ACTN1: variants seen among roughly 807,000 people sequenced by gnomAD.
The protein encoded by ACTN1 is actinin alpha 1, also known as alpha-actinin-1.
In ACTN1, 30 loss-of-function variants were observed where a neutral mutation model predicts 119.6. The observed-to-expected ratio is 0.25, with a 90% CI of 0.19 to 0.34. ACTN1 has a LOEUF of 0.34. Ranked by LOEUF, ACTN1 falls within the 10% of genes least tolerant of loss-of-function variation. The pLI is 1.00. For missense variants in ACTN1, 764 were observed against 1,223.4 expected, an observed-to-expected ratio of 0.62 and a Z score of 5.60; for synonymous variants, 429 against 472.6, an observed-to-expected ratio of 0.91 and a Z score of 1.20.
intron 21 of ACTN1, among the ~76,000 whole-genome samples, chr14:68,876,328 G>A (rs530738675): frequency 6.6e-6 from 1 of 152,284 alleles, no homozygotes; most frequent in Admixed American, 6.5e-5. Flanking sequence ...GATGGCATAA[G>A]GATTTACTGT....
intron 1 of ACTN1, among the ~76,000 whole-genome samples, chr14:68,964,318 T>C (rs1018795413): frequency 5.3e-5 from 8 of 152,226 alleles, no homozygotes; most frequent in African/African-American, 1.9e-4. Context: ...CCCTCCATTC[T>C]ACCTGAGCCA....
At chr14:68,918,324 G>A (rs2034432143) in intron 3 of ACTN1, among the ~76,000 whole-genome samples, 1 of 152,220 alleles carries the variant, frequency 6.6e-6, no homozygotes. Context: ...GCTCACGCCT[G>A]TAATCCCAGC....
intron 1 of ACTN1, among the ~76,000 whole-genome samples, chr14:68,944,063 C>T (rs776430026): frequency 6.6e-6 from 1 of 152,164 alleles, no homozygotes; most frequent in Non-Finnish European, 1.5e-5. Flanking sequence ...GGGAGGAGAG[C>T]CACAGGGCAG....
chr14:68,903,482 A>G (rs2033471152), intron 7 of ACTN1, among the ~76,000 whole-genome samples: 1 of 149,162 alleles, frequency 6.7e-6, no homozygotes, highest in African/African-American at 2.4e-5. Context: ...GGTTGCAGTG[A>G]GCGGAGATCG....
chr14:68,876,981 AG>A (rs2030969611), intron 21 of ACTN1, 100 bp downstream of exon 21: 2 of 1,409,496 alleles, frequency 1.4e-6, no homozygotes, highest in African/African-American at 1.4e-5. Context: ...CCCTGGAAGA[AG>A]GGGCGGTTGA....
At chr14:68,970,366 A>ACTCCCT (rs1328532691) in intron 1 of ACTN1, among the ~76,000 whole-genome samples, 1 of 151,872 alleles carries the variant, frequency 6.6e-6, no homozygotes, top group African/African-American at 2.4e-5. Flanking sequence ...TAAGTCCCCC[A>ACTCCCT]CTCCCTCATC....
At chr14:68,971,630 G>C (rs1363339198) in intron 1 of ACTN1, among the ~76,000 whole-genome samples, 1 of 152,110 alleles carries the variant, frequency 6.6e-6, no homozygotes, top group Non-Finnish European at 1.5e-5. Context: ...ATCTTACAAG[G>C]CTGTTGTCAA....
At chr14:68,876,368 G>T (rs1402362833) in intron 21 of ACTN1, among the ~76,000 whole-genome samples, 1 of 152,126 alleles carries the variant, frequency 6.6e-6, no homozygotes, top group Non-Finnish European at 1.5e-5. Flanking sequence ...ACAGACCCTA[G>T]GCCCCCACCC....
intron 1 of ACTN1, among the ~76,000 whole-genome samples, chr14:68,943,126 G>C (rs1011650178): frequency 2.0e-5 from 3 of 152,186 alleles, no homozygotes; most frequent in Non-Finnish European, 2.9e-5. Context: ...CTGTCCACTA[G>C]GCCGGCGGTG....
At chr14:68,891,083 C>T (rs10130374) in intron 10 of ACTN1, among the ~76,000 whole-genome samples, 1 of 152,178 alleles carries the variant, frequency 6.6e-6, no homozygotes, top group Admixed American at 6.5e-5. Context: ...AACTGCATAC[C>T]CACTTGCAAT....
Position 68,874,952 on chromosome 14 carries a change from C to T in ACTN1, c.2652G>A (p.Ala884=). ...LPPDQAEYCI[A]RMAPYTGPDS... is the part of the protein sequence containing the mutation. Reference sequence around the variant, plus strand: ...CGGGGCCGGTGTAGGGGGCCATCCGCGCGATGCAGTACTCAGCCTGGTCGG... The same window carrying T: ...CGGGGCCGGTGTAGGGGGCCATCCGTGCGATGCAGTACTCAGCCTGGTCGG... Residue 884 remains alanine, a synonymous_variant, in exon 22 of 22, where the codon GCG becomes GCA. Coordinates refer to ENST00000394419, the MANE Select transcript of ACTN1 (RefSeq NM_001130004.2). The T allele has an allele frequency of 6.2e-7, 1 of 1,613,716 alleles. No homozygotes were observed. Among genetic ancestry groups the T allele is most frequent in the Non-Finnish European group, 8.5e-7 (1 of 1,179,912 alleles).
chr14:68,954,717 G>A (rs1416854204), intron 1 of ACTN1, among the ~76,000 whole-genome samples: 2 of 152,180 alleles, frequency 1.3e-5, no homozygotes, highest in Non-Finnish European at 2.9e-5. Flanking sequence ...GGGCTAAAGG[G>A]TCTGAGCATT....
chr14:68,977,805 C>CCCG (rs778887467), intron 1 of ACTN1: 8 of 367,594 alleles, frequency 2.2e-5, no homozygotes, highest in East Asian at 1.6e-4. Context: ...TCCTGTCCCC[C>CCCG]CCCCACCCAA....
At chr14:68,893,627 C>T in intron 9 of ACTN1, 28 bp downstream of exon 9, 2 of 1,608,756 alleles carry the variant, frequency 1.2e-6, no homozygotes, top group Non-Finnish European at 1.7e-6. Flanking sequence ...TTGCTAGAGT[C>T]AGGCCAGGTG....
At chr14:68,919,000 G>C (rs1300232321) in intron 3 of ACTN1, among the ~76,000 whole-genome samples, 2 of 152,208 alleles carry the variant, frequency 1.3e-5, no homozygotes, top group Non-Finnish European at 2.9e-5. Flanking sequence ...TGTAGCAGGA[G>C]ATGGCCCACG....
rs142437678 is a variant in ACTN1, at chr14:68,933,404, G to A, written c.106-7732C>T. Among the ~76,000 whole-genome samples, 984 of 151,934 alleles carry A rather than the reference G, an allele frequency of 6.5e-3. 7 individuals are homozygous for A. The highest frequency in any genetic ancestry group is 0.022 in the African/African-American group (925 of 41,400). ...GCCCGCCTCAGCCTCCCAAAGTGCT[G>A]GGATTACAGGCATGAGCCACCACGC... On this transcript the variant is annotated intron_variant, in intron 1 of 21. Transcript: ENST00000394419.
At position 68,874,979 on chromosome 14, in the gene ACTN1, T is replaced by C. The variant is rs1267172092; in HGVS notation, c.2625A>G (p.Pro875=). Residue 875 remains proline (P), a synonymous_variant, in exon 22 of 22, where the codon CCA becomes CCG. Transcript: ENST00000394419. ...CGATGCAGTACTCAGCCTGGTCGGG[T>C]GGCAGCTCGCGGCGCAGCTCGTCCA... The part of the protein sequence containing the change: ...ITMDELRREL[P]PDQAEYCIAR... The C allele has an allele frequency of 6.2e-7, 1 of 1,613,734 alleles. No homozygotes were observed. Among genetic ancestry groups the C allele is most frequent in the Non-Finnish European group, 8.5e-7 (1 of 1,180,002 alleles).
At chr14:68,975,005 C>G (rs745462485) in intron 1 of ACTN1, among the ~76,000 whole-genome samples, 13 of 152,206 alleles carry the variant, frequency 8.5e-5, no homozygotes. Flanking sequence ...CCATGCCTTC[C>G]TCGAGAAGAT....
Position 68,925,938 on chromosome 14 carries a change from C to T in ACTN1, c.106-266G>A, listed in dbSNP as rs1002524197. Among the ~76,000 whole-genome samples, 2 of 152,232 alleles carry T rather than the reference C, an allele frequency of 1.3e-5. No homozygotes were observed. The highest frequency in any genetic ancestry group is 4.8e-5 in the African/African-American group (2 of 41,452). On this transcript the variant is annotated intron_variant, in intron 1 of 21. Coordinates refer to ENST00000394419, the MANE Select transcript of ACTN1 (RefSeq NM_001130004.2). The surrounding 1 kb of genome is among the most constrained non-coding windows in gnomAD (Gnocchi z 4.3). Reference sequence around the variant, plus strand: ...AGCAGCAAATTCCCTTAACATCCGCCTCCCAGCCCTCTCTCAAAGACTCAT... The same window carrying T: ...AGCAGCAAATTCCCTTAACATCCGCTTCCCAGCCCTCTCTCAAAGACTCAT...
Sources: allele counts gnomAD v4.1 joint callset (sites outside exome capture counted in the v4.1 genomes callset), GRCh38; gene constraint gnomAD v4.1.1; non-coding constraint Gnocchi (gnomAD v3.1); transcripts MANE v1.5; gene names NCBI Gene and HGNC (gene_info 2026-07-23, HGNC 2026-07-21).